RASGRP1: variants seen among roughly 807,000 people sequenced by gnomAD.
The protein encoded by RASGRP1 is RAS guanyl releasing protein 1.
A neutral mutation model predicts 95.1 loss-of-function variants in RASGRP1; 37 were observed. That is an observed-to-expected ratio of 0.39 (90% CI 0.30 to 0.51). The LOEUF is 0.51. RASGRP1 is among the 20% of genes least tolerant of loss of function. The pLI is 0.80. For missense variants in RASGRP1, 711 were observed against 965.4 expected (o/e 0.74, Z 3.49); for synonymous variants, 325 against 353.4 (o/e 0.92, Z 0.90).
intron 15 of RASGRP1, among the ~76,000 whole-genome samples, chr15:38,495,772 A>AATT (rs1566908151): frequency 6.6e-6 from 1 of 152,114 alleles, no homozygotes. Context: ...ACCCTAAAAT[A>AATT]ATTACATTTT....
At position 38,512,924 on chromosome 15, in the gene RASGRP1, G is replaced by A; in HGVS notation, c.708C>T (p.Ser236=). The A allele has an allele frequency of 6.3e-7, 1 of 1,581,104 alleles. No homozygotes were observed. Among genetic ancestry groups the A allele is most frequent in the South Asian group, 1.2e-5 (1 of 85,190 alleles). The change falls in exon 7 of 17, where the codon AGC becomes AGT. Residue 236 remains serine, a synonymous_variant. Transcript: ENST00000310803. ...CCATGGTGGGGTTTTCCTTCACACA[G>A]CTATTTACAAGGTAATTCTGATAAT... The part of the protein sequence containing the change: ...FSDYQNYLVN[S]CVKENPTMER...
At chr15:38,501,888 C>T (rs1270990229) in intron 12 of RASGRP1, among the ~76,000 whole-genome samples, 6 of 147,082 alleles carry the variant, frequency 4.1e-5, no homozygotes, top group East Asian at 2.0e-4. Flanking sequence ...GGTTTTTGCT[C>T]TTGTGGCCCA....
At chr15:38,563,158 C>T (rs1053867626) in intron 1 of RASGRP1, among the ~76,000 whole-genome samples, 3 of 152,206 alleles carry the variant, frequency 2.0e-5, no homozygotes, top group Non-Finnish European at 2.9e-5. Flanking sequence ...GAAAAATCCT[C>T]AAATCGTTCT....
At chr15:38,503,434 G>C (rs1199804958) in intron 10 of RASGRP1, 58 bp from the exon 11 acceptor site, 5 of 1,290,480 alleles carry the variant, frequency 3.9e-6, no homozygotes, top group East Asian at 5.0e-5. Context: ...ATAACCTATA[G>C]CTCTTTCTTT....
intron 12 of RASGRP1, 192 bp from the exon 13 acceptor site, chr15:38,501,479 A>C (rs1432988173): frequency 1.3e-6 from 1 of 752,192 alleles, no homozygotes; most frequent in South Asian, 1.5e-5. Context: ...TAAGTAGGTA[A>C]GGCAGCATTA....
intron 6 of RASGRP1, among the ~76,000 whole-genome samples, chr15:38,515,910 A>AGAGAGAGAGAGAGT (rs779224083): frequency 7.0e-6 from 1 of 143,462 alleles, no homozygotes; most frequent in Admixed American, 6.9e-5. Context: ...AGAGAGAGAG[A>AGAGAGAGAGAGAGT]GTGTGTGTGT....
chr15:38,513,000 C>T (rs1891601821), intron 6 of RASGRP1, 44 bp from the exon 7 acceptor site: 1 of 1,440,774 alleles, frequency 6.9e-7, no homozygotes, highest in Non-Finnish European at 9.2e-7. Context: ...CCTATCAGTA[C>T]TGTACTCTGG....
At chr15:38,559,728 A>G in intron 2 of RASGRP1, 93 bp downstream of exon 2, 3 of 1,325,862 alleles carry the variant, frequency 2.3e-6, no homozygotes, top group Non-Finnish European at 3.1e-6. Flanking sequence ...TAAAGCCAAA[A>G]TACAATCTAG....
At chr15:38,499,085 A>G (rs1027040617) in intron 14 of RASGRP1, 139 bp from the exon 15 acceptor site, 16 of 1,158,790 alleles carry the variant, frequency 1.4e-5, no homozygotes, top group South Asian at 4.9e-5. Flanking sequence ...TAACATTCCT[A>G]ATGAAGCTAG....
intron 10 of RASGRP1, among the ~76,000 whole-genome samples, chr15:38,505,486 C>T (rs1261471101): frequency 3.3e-5 from 5 of 151,952 alleles, no homozygotes; most frequent in Non-Finnish European, 7.4e-5. Context: ...CTTCTTAATG[C>T]GGGGGGGATG....
intron 2 of RASGRP1, among the ~76,000 whole-genome samples, chr15:38,553,994 C>T (rs557164087): frequency 3.9e-5 from 6 of 152,300 alleles, no homozygotes; most frequent in South Asian, 4.1e-4. Context: ...GTGTGCTATA[C>T]GACAGTATTT....
intron 9 of RASGRP1, among the ~76,000 whole-genome samples, chr15:38,506,743 G>A (rs1891276061): frequency 6.6e-6 from 1 of 151,986 alleles, no homozygotes; most frequent in African/African-American, 2.4e-5. Context: ...TGAGTCTATG[G>A]ATAGGCTTCA....
intron 5 of RASGRP1, among the ~76,000 whole-genome samples, chr15:38,517,380 GA>G (rs1160189677): frequency 3.3e-5 from 5 of 152,300 alleles, no homozygotes; most frequent in Admixed American, 1.3e-4. Context: ...CTATTACTTT[GA>G]ATAATCTCTT....
chr15:38,500,657 C>A (rs1170071681), intron 13 of RASGRP1, among the ~76,000 whole-genome samples: 1 of 152,092 alleles, frequency 6.6e-6, no homozygotes, highest in Non-Finnish European at 1.5e-5. Context: ...TCACTAGCAG[C>A]CTTATGACCC....
chr15:38,553,557 C>T (rs573750253), intron 2 of RASGRP1, among the ~76,000 whole-genome samples: 2 of 152,106 alleles, frequency 1.3e-5, no homozygotes, highest in Admixed American at 6.5e-5. Flanking sequence ...GCATAAGTTA[C>T]GGAGTAGACC....
chr15:38,507,597 T>C, intron 9 of RASGRP1, 129 bp downstream of exon 9: 1 of 1,060,452 alleles, frequency 9.4e-7, no homozygotes, highest in Non-Finnish European at 1.3e-6. Flanking sequence ...AGCTATATGT[T>C]GGAGATAGTA....
Position 38,498,932 on chromosome 15 carries a change from A to T in RASGRP1, c.1735T>A (p.Cys579Ser). 2 of 1,613,958 alleles carry T rather than the reference A, an allele frequency of 1.2e-6. No individual in the cohort carries two copies. Among genetic ancestry groups the T allele is most frequent in the South Asian group, 2.2e-5 (2 of 91,080 alleles). Reference sequence around the variant, plus strand: ...ACCAGATCTTTGCATTGTTTGTGACAGTTCATCCCGCAGTCTGTGGACAAG... The same window carrying T: ...ACCAGATCTTTGCATTGTTTGTGACTGTTCATCCCGCAGTCTGTGGACAAG... ...GYRCKDCGMNCHKQCKDLVVF... is the reference protein window; with the variant it reads ...GYRCKDCGMNSHKQCKDLVVF... Residue 579 changes from cysteine (C) to serine (S), a missense_variant, in exon 15 of 17, where the codon TGT (cysteine) becomes AGT (serine). By Grantham distance (112) the Cys-to-Ser change is moderately radical. Coordinates refer to ENST00000310803, the MANE Select transcript of RASGRP1 (RefSeq NM_005739.4).
chr15:38,513,109 C>T (rs1372530390), intron 6 of RASGRP1, among the ~76,000 whole-genome samples, 153 bp from the exon 7 acceptor site: 1 of 152,192 alleles, frequency 6.6e-6, no homozygotes, highest in Non-Finnish European at 1.5e-5. Context: ...GCATCTTGGC[C>T]ACTTGCCAAC....
chr15:38,494,387 C>G lies in RASGRP1; in HGVS notation c.2254G>C (p.Glu752Gln), dbSNP rs1890715029. ...GAAAATGAAAAGGAAGGTACCTGTT[C>G]CAGTTCTTGGTAGGTAGGCAGTCTG... ...HLRLPTYQELEQEINTLKADN... is the reference protein window; with the variant it reads ...HLRLPTYQELQQEINTLKADN... Residue 752 changes from glutamate (E) to glutamine (Q), a missense_variant, in exon 16 of 17, where the codon GAA becomes CAA. Physicochemically the swap from Glu to Gln is conservative, Grantham distance 29 (BLOSUM62 2). Transcript: ENST00000310803. 5 of 1,613,662 alleles carry G rather than the reference C, an allele frequency of 3.1e-6. No homozygotes were observed. Among genetic ancestry groups the G allele is most frequent in the Admixed American group, 1.7e-5 (1 of 59,992 alleles).
Sources: gnomAD v4.1 joint callset for allele counts (sites outside exome capture counted in the v4.1 genomes callset) on GRCh38, gnomAD v4.1.1 for gene constraint, MANE v1.5 for transcripts, NCBI Gene and HGNC (gene_info 2026-07-23, HGNC 2026-07-21) for gene names.